Variants in C8orf34 observed in about 807,000 individuals in gnomAD.
C8orf34 encodes chromosome 8 open reading frame 34, also known as uncharacterized protein C8orf34.
Under a neutral mutation model 68.3 loss-of-function variants are expected in C8orf34, and 65 were observed. That is an observed-to-expected ratio of 0.95 (90% confidence interval 0.78 to 1.17). C8orf34 has a LOEUF of 1.17. C8orf34 is among the 50% of genes most tolerant of loss of function. The pLI is 0.00. For synonymous variants in C8orf34, 244 were observed against 241.2 expected, an observed-to-expected ratio of 1.01 and a Z score of -0.11; for missense variants, 664 against 655.4, an observed-to-expected ratio of 1.01 and a Z score of -0.14.
intron 5 of C8orf34, among the ~76,000 whole-genome samples, chr8:68,518,743 A>C (rs1169189236): frequency 6.6e-6 from 1 of 152,132 alleles, no homozygotes; most frequent in African/African-American, 2.4e-5. Context: ...TAAAACTACA[A>C]AAATTAGCTG....
intron 1 of C8orf34, among the ~76,000 whole-genome samples, chr8:68,388,597 T>C (rs1237166584): frequency 6.6e-6 from 1 of 152,102 alleles, no homozygotes; most frequent in Non-Finnish European, 1.5e-5. Context: ...TGAGGCAATA[T>C]GGCATCATGA....
At chr8:68,782,958 GCT>G (rs1823723647) in intron 11 of C8orf34, among the ~76,000 whole-genome samples, 1 of 151,474 alleles carries the variant, frequency 6.6e-6, no homozygotes, top group Non-Finnish European at 1.5e-5. Flanking sequence ...TGTAGTTCCA[GCT>G]ACTCCTGAGG....
chr8:68,748,904 T>A (rs1822603333), intron 10 of C8orf34, among the ~76,000 whole-genome samples: 1 of 152,230 alleles, frequency 6.6e-6, no homozygotes, highest in African/African-American at 2.4e-5. Context: ...CCCAAAGGAC[T>A]GTAAATCATG....
chr8:68,560,159 G>C (rs1468028007), intron 7 of C8orf34, among the ~76,000 whole-genome samples: 1 of 141,600 alleles, frequency 7.1e-6, no homozygotes, highest in South Asian at 2.2e-4. Context: ...TTTTTTTTTT[G>C]AATGAAACAG....
intron 8 of C8orf34, among the ~76,000 whole-genome samples, chr8:68,657,304 G>T (rs2130797912): frequency 6.6e-6 from 1 of 152,208 alleles, no homozygotes; most frequent in Non-Finnish European, 1.5e-5. Context: ...ATATTAAGAG[G>T]TGGGGCCTTT....
intron 7 of C8orf34, among the ~76,000 whole-genome samples, chr8:68,624,240 C>G (rs897065468): frequency 1.3e-5 from 2 of 150,014 alleles, no homozygotes; most frequent in African/African-American, 2.5e-5. Context: ...CCATTGCACT[C>G]CAGCCTGGGG....
intron 1 of C8orf34, among the ~76,000 whole-genome samples, chr8:68,423,798 G>A (rs1169307219): frequency 6.6e-6 from 1 of 152,102 alleles, no homozygotes; most frequent in Non-Finnish European, 1.5e-5. Context: ...ACATGACTGG[G>A]GAGGCCTCAG....
chr8:68,815,368 A>G (rs1174830853), intron 12 of C8orf34, among the ~76,000 whole-genome samples: 1 of 152,174 alleles, frequency 6.6e-6, no homozygotes, highest in Non-Finnish European at 1.5e-5. Flanking sequence ...ATATATATAC[A>G]CATATACACA....
intron 12 of C8orf34, among the ~76,000 whole-genome samples, chr8:68,793,517 A>C (rs1824074350): frequency 6.6e-6 from 1 of 152,114 alleles, no homozygotes; most frequent in Non-Finnish European, 1.5e-5. Context: ...CTTTGCAGGG[A>C]CATGGATGAA....
intron 1 of C8orf34, among the ~76,000 whole-genome samples, chr8:68,382,211 C>T (rs1808072631): frequency 6.6e-6 from 1 of 152,066 alleles, no homozygotes; most frequent in Non-Finnish European, 1.5e-5. Context: ...TGATTACTTC[C>T]TAGTAATTCT....
At chr8:68,385,695 A>C (rs1490430324) in intron 1 of C8orf34, among the ~76,000 whole-genome samples, 1 of 152,182 alleles carries the variant, frequency 6.6e-6, no homozygotes, top group East Asian at 1.9e-4. Flanking sequence ...TTTCATATAC[A>C]CAACACAGAT....
chr8:68,685,412 A>C (rs1225815065), intron 8 of C8orf34, among the ~76,000 whole-genome samples: 1 of 152,172 alleles, frequency 6.6e-6, no homozygotes, highest in Non-Finnish European at 1.5e-5. Flanking sequence ...GACTCAAAGT[A>C]ATATGTCTTC....
chr8:68,535,947 T>C, intron 7 of C8orf34: 2 of 829,216 alleles, frequency 2.4e-6, no homozygotes, highest in Non-Finnish European at 2.9e-6. Context: ...TTTCAAATAT[T>C]TTAGTACAAA....
intron 8 of C8orf34, among the ~76,000 whole-genome samples, chr8:68,697,173 A>T (rs1820859418): frequency 6.6e-6 from 1 of 151,948 alleles, no homozygotes; most frequent in Non-Finnish European, 1.5e-5. Context: ...ATTGCTAGTC[A>T]TTTTTGGTAC....
chr8:68,794,980 A>G (rs1824134580), intron 12 of C8orf34, among the ~76,000 whole-genome samples: 1 of 152,150 alleles, frequency 6.6e-6, no homozygotes, highest in South Asian at 2.1e-4. Flanking sequence ...TATACTCTAT[A>G]GGTAACTGTT....
chr8:68,646,569 C>T (rs951714727), intron 8 of C8orf34, among the ~76,000 whole-genome samples: 2 of 151,900 alleles, frequency 1.3e-5, no homozygotes, highest in Admixed American at 6.6e-5. Flanking sequence ...ATATGTATTC[C>T]TTCTGTCTAA....
intron 11 of C8orf34, among the ~76,000 whole-genome samples, chr8:68,780,186 T>C (rs1265634760): frequency 6.6e-6 from 1 of 152,218 alleles, no homozygotes; most frequent in Non-Finnish European, 1.5e-5. Context: ...GCATTTGCAC[T>C]GCTACCACTT....
At chr8:68,666,461 A>T (rs1000764897) in intron 8 of C8orf34, among the ~76,000 whole-genome samples, 1 of 152,252 alleles carries the variant, frequency 6.6e-6, no homozygotes, top group Non-Finnish European at 1.5e-5. Context: ...CAGAGTTATT[A>T]AAAAGGCAGA....
intron 9 of C8orf34, among the ~76,000 whole-genome samples, chr8:68,717,700 CAT>C (rs1821517389): frequency 6.6e-6 from 1 of 151,868 alleles, no homozygotes. Context: ...ATATATTTTA[CAT>C]GTTATATTTA....
Sources: allele counts gnomAD v4.1 joint callset (sites outside exome capture counted in the v4.1 genomes callset), GRCh38; gene constraint gnomAD v4.1.1; transcripts MANE v1.5; gene names NCBI Gene and HGNC (gene_info 2026-07-23, HGNC 2026-07-21).